The following PIWIL3 variants were observed in gnomAD, a reference collection of about 807,000 sequenced individuals.
PIWIL3 encodes piwi-like protein 3.
Under a neutral mutation model 109.7 loss-of-function variants are expected in PIWIL3, and 101 were observed. The observed-to-expected ratio is 0.92, with a 90% CI of 0.78 to 1.09. The LOEUF (loss-of-function observed/expected upper bound fraction) is 1.09. Ranked by LOEUF, PIWIL3 falls within the 50% of genes least tolerant of loss-of-function variation. The pLI, the probability that PIWIL3 is intolerant of heterozygous loss-of-function variation, is 0.00. For missense variants in PIWIL3, 1,031 were observed against 1,072.6 expected, an observed-to-expected ratio of 0.96 and a Z score of 0.54; for synonymous variants, 373 against 376.4, an observed-to-expected ratio of 0.99 and a Z score of 0.10.
intron 3 of PIWIL3, among the ~76,000 whole-genome samples, 175 bp from the exon 4 acceptor site, chr22:24,758,214 A>G (rs1925210881): frequency 6.6e-6 from 1 of 152,212 alleles, no homozygotes; most frequent in South Asian, 2.1e-4. Flanking sequence ...ACCTTTCCCA[A>G]GGAGTCCCCA....
chr22:24,760,780 C>CAAAAAAAAAAAAAAAAA lies in PIWIL3; in HGVS notation c.103-808_103-792dup, dbSNP rs61469163. Among the ~76,000 whole-genome samples the CAAAAAAAAAAAAAAAAA allele has an allele frequency of 1.5e-3, 60 of 41,024 alleles. 1 individual carries two copies. Among genetic ancestry groups the CAAAAAAAAAAAAAAAAA allele is most frequent in the African/African-American group, 3.8e-3 (41 of 10,652 alleles). 26.9% of individuals were successfully genotyped at this position (41,024 alleles called of 152,430 possible). A position where few individuals can be genotyped will look rare whatever the true frequency, so the allele number is the denominator to read the frequency against. On this transcript the variant is annotated intron_variant, in intron 2 of 20. Coordinates refer to ENST00000616349, the MANE Select transcript of PIWIL3 (RefSeq NM_001255975.1). ...GGGCAACAAGAGCGAAACTCTGTCTCAAAAAAAAAAAAAAAAAAAAAAAGC... is the reference window on the plus strand; with the variant it reads ...GGGCAACAAGAGCGAAACTCTGTCTCAAAAAAAAAAAAAAAAAAAAAAAAAAAAAAAAAAAAAAAAGC...
In PIWIL3 at chr22:24,748,888, G is replaced by C; in HGVS notation, c.1449+19C>G. ...TCATTTGACCCCACCATGACATGAT[G>C]ATTTTGAAACTGTCTTACCATTCTT... On this transcript the variant is annotated intron_variant, in intron 12 of 20. Transcript: ENST00000616349. 6.3e-7 allele frequency: 1 copy of C among 1,577,770 alleles called. No individual in the cohort carries two copies. Among genetic ancestry groups the C allele is most frequent in the Non-Finnish European group, 8.7e-7 (1 of 1,155,628 alleles).
At chr22:24,752,688 T>C (rs971503700) in intron 8 of PIWIL3, among the ~76,000 whole-genome samples, 7 of 152,188 alleles carry the variant, frequency 4.6e-5, no homozygotes, top group African/African-American at 1.7e-4. Context: ...ACCTCATATA[T>C]TTCCTCAAAC....
chr22:24,736,896 A>G (rs1923689881), intron 12 of PIWIL3, among the ~76,000 whole-genome samples: 1 of 152,236 alleles, frequency 6.6e-6, no homozygotes, highest in Non-Finnish European at 1.5e-5. Context: ...CCCTAGCCAA[A>G]GGGGAATTTC....
At position 24,758,000 on chromosome 22, in the gene PIWIL3, G is replaced by A. The variant is rs528107452; in HGVS notation, c.263C>T (p.Ala88Val). 1.9e-6 allele frequency: 3 copies of A among 1,613,798 alleles called. No homozygotes were observed. The highest frequency in any genetic ancestry group is 1.7e-5 in the Admixed American group (1 of 59,968). Reference sequence around the variant, plus strand: ...ACCAATCCTTCTCTCCTGCAAGGGCGCTGTATGCAACCCAGCCTCAGGTCC... The same window carrying A: ...ACCAATCCTTCTCTCCTGCAAGGGCACTGTATGCAACCCAGCCTCAGGTCC... ...EPGPEAGLHT[A>V]PLQERRIGGV... Residue 88 changes from alanine to valine, a missense_variant, in exon 4 of 21, where the codon GCG becomes GTG. Physicochemically the swap from Ala to Val is moderately conservative, Grantham distance 64 (BLOSUM62 0). Coordinates refer to ENST00000616349, the MANE Select transcript of PIWIL3 (RefSeq NM_001255975.1).
At position 24,728,349 on chromosome 22, in the gene PIWIL3, T is replaced by C. The variant is rs1468647634; in HGVS notation, c.1733A>G (p.Asp578Gly). The C allele has an allele frequency of 1.2e-5, 19 of 1,614,178 alleles. No individual in the cohort carries two copies. Among genetic ancestry groups the C allele is most frequent in the Non-Finnish European group, 1.6e-5 (19 of 1,180,028 alleles). ...TTTTATGCTGTCATATCTACGTTTG[T>C]CATCATTGGGCAGGATACAAATCAC... ...QMVICILPND[D>G]KRRYDSIKRY... Residue 578 changes from aspartate to glycine, a missense_variant, in exon 15 of 21, where the codon GAC becomes GGC. By Grantham distance (94) the Asp-to-Gly change is moderately conservative. Transcript: ENST00000616349.
At chr22:24,728,690 A>G (rs1923145842) in intron 14 of PIWIL3, among the ~76,000 whole-genome samples, 1 of 152,202 alleles carries the variant, frequency 6.6e-6, no homozygotes, top group African/African-American at 2.4e-5. Context: ...AAGTGTTTAA[A>G]TTATAGTGTT....
intron 1 of PIWIL3, among the ~76,000 whole-genome samples, chr22:24,765,241 T>C (rs1260112827): frequency 1.3e-5 from 2 of 152,210 alleles, no homozygotes; most frequent in African/African-American, 4.8e-5. Context: ...GTTCTTACAG[T>C]TGGGGTTTTG....
chr22:24,740,382 A>G lies in PIWIL3; in HGVS notation c.1450-4490T>C, dbSNP rs1039949174. 8.6e-5 allele frequency among the ~76,000 whole-genome samples: 13 copies of G among 151,720 alleles called. No homozygotes were observed. The South Asian group carries it at 2.5e-3, about 29-fold the overall frequency. Reference sequence around the variant, plus strand: ...GCTAACATGGTGAAACCCCGTCTCTACTAAAAACACAAAAAATTAGCCAGA... The same window carrying G: ...GCTAACATGGTGAAACCCCGTCTCTGCTAAAAACACAAAAAATTAGCCAGA... On this transcript the variant is annotated intron_variant, in intron 12 of 20. Transcript: ENST00000616349.
chr22:24,744,207 A>AAAAAAAC (rs1569103685), intron 12 of PIWIL3, among the ~76,000 whole-genome samples: 9 of 135,034 alleles, frequency 6.7e-5, no homozygotes, highest in Non-Finnish European at 1.3e-4. Flanking sequence ...AAAAAAAAAA[A>AAAAAAAC]CAATGATCTG....
intron 2 of PIWIL3, 192 bp downstream of exon 2, chr22:24,762,206 C>A: frequency 9.7e-7 from 1 of 1,026,618 alleles, no homozygotes; most frequent in East Asian, 3.3e-5. Context: ...GAGAAGGAAG[C>A]AGTGGAGAGT....
rs1925192857 is a variant in PIWIL3, at chr22:24,757,956, C to G, written c.307G>C (p.Val103Leu). ...RRIGGVFQDL[V>L]VNTRQDMKHV... ...TTCATATCTTGCCTGGTGTTCACCA[C>G]CAGGTCTTGAAAAACTCCACCAATC... is the stretch of plus-strand genomic sequence containing the variant. Residue 103 changes from valine to leucine, a missense_variant, in exon 4 of 21, where the codon GTG (valine) becomes CTG (leucine). Val to Leu is a conservative substitution (Grantham distance 32). Coordinates refer to ENST00000616349, the MANE Select transcript of PIWIL3 (RefSeq NM_001255975.1). The G allele has an allele frequency of 1.9e-6, 3 of 1,613,902 alleles. No homozygotes were observed. The East Asian group carries it at 6.7e-5, about 36-fold the overall frequency.
rs7293234 is a variant in PIWIL3, at chr22:24,763,007, T to C, written c.-22-486A>G. Among the ~76,000 whole-genome samples the C allele has an allele frequency of 7.3e-4, 111 of 152,214 alleles. 1 individual carries two copies. Among genetic ancestry groups the C allele is most frequent in the African/African-American group, 2.4e-3 (101 of 41,536 alleles). On this transcript the variant is annotated intron_variant, in intron 1 of 20. Transcript: ENST00000616349. Reference sequence around the variant, plus strand: ...CCATAGCACCTGGTAATGTTTTTTTTCCGTTACTATTACTTCCAATAAAGC... The same window carrying C: ...CCATAGCACCTGGTAATGTTTTTTTCCCGTTACTATTACTTCCAATAAAGC...
At chr22:24,758,984 C>T (rs796599426) in intron 3 of PIWIL3, among the ~76,000 whole-genome samples, 38 of 152,338 alleles carry the variant, frequency 2.5e-4, no homozygotes, top group African/African-American at 9.1e-4. Flanking sequence ...ACCTCTGCCT[C>T]CTGGGTTCAA....
At chr22:24,725,596 A>G (rs925058942) in intron 16 of PIWIL3, 81 bp from the exon 17 acceptor site, 2 of 1,330,904 alleles carry the variant, frequency 1.5e-6, no homozygotes, top group East Asian at 2.3e-5. Flanking sequence ...TGGGCAAAAA[A>G]TATTACTATC....
chr22:24,752,830 C>A (rs966968070), intron 8 of PIWIL3, among the ~76,000 whole-genome samples: 22 of 152,178 alleles, frequency 1.4e-4, no homozygotes, highest in African/African-American at 5.1e-4. Context: ...CACATCCTTG[C>A]CAACACTTGT....
chr22:24,757,899 C>T lies in PIWIL3; in HGVS notation c.355+9G>A. 1 of 1,591,168 alleles carries T rather than the reference C, an allele frequency of 6.3e-7. No individual in the cohort carries two copies. The highest frequency in any genetic ancestry group is 8.5e-7 in the Non-Finnish European group (1 of 1,173,720). The stretch of plus-strand genomic sequence containing the variant: ...AGCTCCATAAACATTGAGTTCTAGA[C>T]CAACATACCTGTTTTTGAGTCTTTA... On this transcript the variant is annotated intron_variant, in intron 4 of 20. Transcript: ENST00000616349.
chr22:24,754,341 T>C, intron 7 of PIWIL3, 124 bp from the exon 8 acceptor site: 2 of 720,310 alleles, frequency 2.8e-6, no homozygotes, highest in Non-Finnish European at 4.5e-6. Context: ...ATTCTTAGTC[T>C]TTTGAAGGAC....
intron 19 of PIWIL3, 28 bp downstream of exon 19, chr22:24,723,102 C>A (rs1192969232): frequency 1.9e-6 from 3 of 1,603,778 alleles, no homozygotes; most frequent in African/African-American, 2.7e-5. Flanking sequence ...AATCATAGAA[C>A]CATGTGCAAA....
Sources: allele counts gnomAD v4.1 joint callset (sites outside exome capture counted in the v4.1 genomes callset), GRCh38; gene constraint gnomAD v4.1.1; transcripts MANE v1.5; gene names NCBI Gene and HGNC (gene_info 2026-07-23, HGNC 2026-07-21).